Variants in A3GALT2 observed in about 807,000 individuals in gnomAD.
A3GALT2 encodes alpha 1,3-galactosyltransferase 2.
A3GALT2 carries 14 observed loss-of-function variants against 16.6 expected under a neutral mutation model. The ratio of observed to expected loss-of-function variants is 0.84; its 90% CI spans 0.56 to 1.32. The LOEUF is 1.32. A3GALT2 is among the 40% of genes most tolerant of loss of function. The probability of loss-of-function intolerance (pLI) is 0.00; values close to 1 mark genes in which losing one functional copy is unlikely to be tolerated. For synonymous variants in A3GALT2, 253 were observed against 218.0 expected (o/e 1.16, Z -1.42); for missense variants, 600 against 490.9 (o/e 1.22, Z -2.10).
Position 33,307,433 on chromosome 1 carries a change from T to A in A3GALT2, c.356A>T (p.Glu119Val). 1 of 1,528,548 alleles carries A rather than the reference T, an allele frequency of 6.5e-7. No homozygotes were observed. The highest frequency in any genetic ancestry group is 8.7e-7 in the Non-Finnish European group (1 of 1,147,866). The allele number at this position is 1,528,548 out of a possible 1,614,324, so 94.7% of individuals were successfully genotyped here. ...CTGCTCCGCCGTCTCCAGGAAGCGC[T>A]CCAGGTACTTCTCCAGGTATCTAAG... is the stretch of plus-strand genomic sequence containing the variant. ...AVGRYLEKYL[E>V]RFLETAEQHF... Residue 119 changes from glutamate (E) to valine (V), a missense_variant, in exon 5 of 5, where the codon GAG (glutamate) becomes GTG (valine). Coordinates refer to ENST00000442999, the MANE Select transcript of A3GALT2 (RefSeq NM_001080438.1).
chr1:33,315,143 G>A (rs1274281085), intron 1 of A3GALT2, among the ~76,000 whole-genome samples: 1 of 152,150 alleles, frequency 6.6e-6, no homozygotes, highest in South Asian at 2.1e-4. Context: ...CCAGCACTTT[G>A]GGAGGCCGAG....
At position 33,307,186 on chromosome 1, in the gene A3GALT2, G is replaced by T; in HGVS notation, c.603C>A (p.Asp201Glu). Residue 201 changes from aspartate to glutamate, a missense_variant, in exon 5 of 5, where the codon GAC (aspartate) becomes GAA (glutamate). Coordinates refer to ENST00000442999, the MANE Select transcript of A3GALT2 (RefSeq NM_001080438.1). ...GCCCAAAAGTGCCGCTGAAGTGCTGGTCCACGTCCATGCAGAACATGAAGT... is the reference window on the plus strand; with the variant it reads ...GCCCAAAAGTGCCGCTGAAGTGCTGTTCCACGTCCATGCAGAACATGAAGT... Reference protein sequence around the residue: ...EAHFMFCMDVDQHFSGTFGPE... With the variant: ...EAHFMFCMDVEQHFSGTFGPE... The T allele has an allele frequency of 6.5e-7, 1 of 1,547,656 alleles. No homozygotes were observed. Among genetic ancestry groups the T allele is most frequent in the Non-Finnish European group, 8.7e-7 (1 of 1,150,442 alleles).
intron 4 of A3GALT2, among the ~76,000 whole-genome samples, chr1:33,311,827 C>T (rs1372819803): frequency 2.0e-5 from 3 of 152,240 alleles, no homozygotes; most frequent in African/African-American, 7.2e-5. Context: ...TAGAACAGCC[C>T]TGGCTGCCTG....
At chr1:33,315,609 C>G (rs1646257999) in intron 1 of A3GALT2, among the ~76,000 whole-genome samples, 1 of 152,142 alleles carries the variant, frequency 6.6e-6, no homozygotes, top group African/African-American at 2.4e-5. Flanking sequence ...GATTGGTGCT[C>G]TTACACTTGC....
At chr1:33,317,453 A>G (rs1300416144) in intron 1 of A3GALT2, among the ~76,000 whole-genome samples, 1 of 152,172 alleles carries the variant, frequency 6.6e-6, no homozygotes, top group African/African-American at 2.4e-5. Context: ...TTTACACACA[A>G]AAAAATTGAA....
chr1:33,307,129 C>A lies in A3GALT2; in HGVS notation c.660G>T (p.Leu220=). The A allele has an allele frequency of 1.3e-6, 2 of 1,539,934 alleles. No homozygotes were observed. Among genetic ancestry groups the A allele is most frequent in the Non-Finnish European group, 1.7e-6 (2 of 1,145,808 alleles). The change falls in exon 5 of 5, where the codon CTG becomes CTT. Residue 220 remains leucine (L), a synonymous_variant. Transcript: ENST00000442999. The stretch of plus-strand genomic sequence containing the variant: ...ACGGCCAGTGGTAGTGCCAGGAGTG[C>A]AGCTGCGCCACCGACTCGGCCAGCG... ...PEALAESVAQ[L]HSWHYHWPSW...
chr1:33,312,250 T>A, intron 3 of A3GALT2, 61 bp from the exon 4 acceptor site: 1 of 1,597,556 alleles, frequency 6.3e-7, no homozygotes, highest in Non-Finnish European at 8.5e-7. Context: ...TTGGTGCATG[T>A]TCACTGCCAC....
In A3GALT2 at chr1:33,306,916, C is replaced by A; in HGVS notation, c.873G>T (p.Glu291Asp). 1 of 1,520,980 alleles carries A rather than the reference C, an allele frequency of 6.6e-7. No homozygotes were observed. The highest frequency in any genetic ancestry group is 2.1e-5 in the Admixed American group (1 of 48,444). 94.2% of individuals were successfully genotyped at this position (1,520,980 alleles called of 1,614,324 possible). The change falls in exon 5 of 5, where the codon GAG becomes GAT. Residue 291 changes from glutamate (E) to aspartate (D), a missense_variant. Transcript: ENST00000442999. ...GCCAGAAGAACTTGTTGAGGTGGCT[C>A]TCGTCGTGCCAGCGCGCCTCCAGGC... Reference protein sequence around the residue: ...ARGLEARWHDESHLNKFFWLH... With the variant: ...ARGLEARWHDDSHLNKFFWLH...
At chr1:33,319,086 C>T (rs1410122571) in intron 1 of A3GALT2, among the ~76,000 whole-genome samples, 1 of 152,156 alleles carries the variant, frequency 6.6e-6, no homozygotes, top group East Asian at 1.9e-4. Context: ...ACACCACAGC[C>T]CCTTGAAGGA....
chr1:33,311,211 G>C (rs377131151), intron 4 of A3GALT2, among the ~76,000 whole-genome samples: 4 of 152,156 alleles, frequency 2.6e-5, no homozygotes, highest in Non-Finnish European at 5.9e-5. Flanking sequence ...CAGGAAGGTC[G>C]ACACCCAGTT....
chr1:33,312,056 C>A lies in A3GALT2; in HGVS notation c.331G>T (p.Gly111Cys). 6.2e-7 allele frequency: 1 copy of A among 1,613,608 alleles called. No homozygotes were observed. Among genetic ancestry groups the A allele is most frequent in the Non-Finnish European group, 8.5e-7 (1 of 1,179,792 alleles). The change falls in exon 4 of 5, where the codon GGC (glycine) becomes TGC (cysteine). Residue 111 changes from glycine (G) to cysteine (C), a missense_variant. Transcript: ENST00000442999. ...LTIGLTIFAV[G>C]RYLEKYLERF... ...GCTCCCCTTCCCAGGCCTTACCTGC[C>A]TACAGCAAAGATAGTCAGCCCAATG...
Position 33,312,545 on chromosome 1 carries a change from T to G in A3GALT2, c.153A>C (p.Thr51=). The change falls in exon 3 of 5, where the codon ACA becomes ACC. Residue 51 remains threonine (T), a synonymous_variant. Transcript: ENST00000442999. ...TGAAGTTGTCTCTCAGCTGGGACAT[T>G]GTGGCCGAAGGGCAGACGCCCATGG... ...LIPMGVCPSA[T]MSQLRDNFTG... 6.2e-7 allele frequency: 1 copy of G among 1,603,494 alleles called. No homozygotes were observed. Among genetic ancestry groups the G allele is most frequent in the Non-Finnish European group, 8.5e-7 (1 of 1,174,382 alleles).
rs753744291 is a variant in A3GALT2, at chr1:33,312,599, G to C, written c.108-9C>G. ...TGAGGGCTTCCAGATGCCTGTGGTG[G>C]GTTGAGGGGCGGGGGGCAGGCAGCC... On this transcript the variant is annotated splice_polypyrimidine_tract_variant and intron_variant, in intron 2 of 4. Coordinates refer to ENST00000442999, the MANE Select transcript of A3GALT2 (RefSeq NM_001080438.1). 5 of 1,570,958 alleles carry C rather than the reference G, an allele frequency of 3.2e-6. No individual in the cohort carries two copies. The highest frequency in any genetic ancestry group is 1.8e-5 in the Admixed American group (1 of 54,338).
chr1:33,307,055 G>C lies in A3GALT2; in HGVS notation c.734C>G (p.Ala245Gly). ...ERDAHSAAAM[A>G]WGQGDFYNHA... ...GTTATAGAAGTCGCCCTGGCCCCAC[G>C]CCATCGCGGCGGCCGAATGCGCGTC... Residue 245 changes from alanine to glycine, a missense_variant, in exon 5 of 5, where the codon GCG (alanine) becomes GGG (glycine). Transcript: ENST00000442999. 6.6e-7 allele frequency: 1 copy of C among 1,512,250 alleles called. No individual in the cohort carries two copies. The highest frequency in any genetic ancestry group is 2.7e-5 in the East Asian group (1 of 37,460). The allele number at this position is 1,512,250 out of a possible 1,614,324, so 93.7% of individuals were successfully genotyped here.
chr1:33,307,288 C>T lies in A3GALT2; in HGVS notation c.501G>A (p.Arg167=). 6.9e-7 allele frequency: 1 copy of T among 1,445,556 alleles called. No homozygotes were observed. The highest frequency in any genetic ancestry group is 9.0e-7 in the Non-Finnish European group (1 of 1,107,976). The allele number at this position is 1,445,556 out of a possible 1,614,324, so 89.5% of individuals were successfully genotyped here. A position where few individuals can be genotyped will look rare whatever the true frequency, so the allele number is the denominator to read the frequency against. ...RLPVERVARE[R]RWQDVSMARM... ...GCGCCATCGACACGTCTTGCCAGCG[C>T]CGCTCGCGCGCCACGCGCTCCACGG... The change falls in exon 5 of 5, where the codon CGG becomes CGA. Residue 167 remains arginine (R), a synonymous_variant. Transcript: ENST00000442999.
At chr1:33,311,201 C>T (rs577597383) in intron 4 of A3GALT2, among the ~76,000 whole-genome samples, 22 of 152,322 alleles carry the variant, frequency 1.4e-4, no homozygotes, top group African/African-American at 5.1e-4. Flanking sequence ...CGTGTCACTT[C>T]AGGAAGGTCG....
intron 4 of A3GALT2, among the ~76,000 whole-genome samples, chr1:33,310,494 T>C (rs1025253736): frequency 6.6e-6 from 1 of 152,232 alleles, no homozygotes; most frequent in South Asian, 2.1e-4. Context: ...CCTAGGACTT[T>C]AAAATAGTAG....
rs1031603327 is a variant in A3GALT2, at chr1:33,316,811, G to A, written c.24-3921C>T. 2.6e-5 allele frequency among the ~76,000 whole-genome samples: 4 copies of A among 152,212 alleles called. No individual in the cohort carries two copies. The East Asian group carries it at 7.7e-4, about 29-fold the overall frequency. ...GTTCTGGGATTTGCCAGGAGGGCAGGGATGTTATGGGAGAGAGGGAGAGAG... is the reference window on the plus strand; with the variant it reads ...GTTCTGGGATTTGCCAGGAGGGCAGAGATGTTATGGGAGAGAGGGAGAGAG... On this transcript the variant is annotated intron_variant, in intron 1 of 4. Coordinates refer to ENST00000442999, the MANE Select transcript of A3GALT2 (RefSeq NM_001080438.1).
Position 33,320,153 on chromosome 1 carries a change from G to A in A3GALT2, c.23+923C>T, listed in dbSNP as rs1376873480. Among the ~76,000 whole-genome samples, 1 of 151,924 alleles carries A rather than the reference G, an allele frequency of 6.6e-6. No homozygotes were observed. Among genetic ancestry groups the A allele is most frequent in the Non-Finnish European group, 1.5e-5 (1 of 68,032 alleles). Reference sequence around the variant, plus strand: ...TATTCAGCTCCTGTCTGAGCTCCTGGAGGGCTGGCTGCAGCTGGGCTTCTC... The same window carrying A: ...TATTCAGCTCCTGTCTGAGCTCCTGAAGGGCTGGCTGCAGCTGGGCTTCTC... On this transcript the variant is annotated intron_variant, in intron 1 of 4. Coordinates refer to ENST00000442999, the MANE Select transcript of A3GALT2 (RefSeq NM_001080438.1). This position sits in a 1 kb window ranked among gnomAD's most constrained non-coding sequence, Gnocchi z 4.3.
Sources: gnomAD v4.1 joint callset for allele counts (sites outside exome capture counted in the v4.1 genomes callset) on GRCh38, gnomAD v4.1.1 for gene constraint, Gnocchi (gnomAD v3.1) non-coding constraint, MANE v1.5 for transcripts, NCBI Gene and HGNC (gene_info 2026-07-23, HGNC 2026-07-21) for gene names.